The following CPNE4 variants were observed in gnomAD, a reference collection of about 807,000 sequenced individuals.
The protein encoded by CPNE4 is copine 4, also known as copine-4.
In CPNE4, 25 loss-of-function variants were observed where a neutral mutation model predicts 67.9. The observed-to-expected ratio is 0.37, with a 90% CI of 0.27 to 0.51. CPNE4 has a LOEUF of 0.51. CPNE4 is among the 20% of genes least tolerant of loss of function. CPNE4 has a pLI of 0.93. For synonymous variants in CPNE4, 242 were observed against 244.9 expected (o/e 0.99, Z 0.11); for missense variants, 464 against 690.8 (o/e 0.67, Z 3.68).
chr3:131,942,672 A>T (rs898210114), intron 1 of CPNE4, among the ~76,000 whole-genome samples: 1 of 151,894 alleles, frequency 6.6e-6, no homozygotes, highest in Non-Finnish European at 1.5e-5. Context: ...AATTTCCTCC[A>T]TTGCCCTGGA....
chr3:132,034,709 T>C lies in CPNE4; in HGVS notation c.-144A>G, dbSNP rs2074309353. 4 of 985,308 alleles carry C rather than the reference T, an allele frequency of 4.1e-6. No individual in the cohort carries two copies. The South Asian group carries it at 1.4e-4, about 35-fold the overall frequency. The allele number at this position is 985,308 out of a possible 1,614,324, so 61.0% of individuals were successfully genotyped here. A position where few individuals can be genotyped will look rare whatever the true frequency, so the allele number is the denominator to read the frequency against. On this transcript the variant is annotated 5_prime_UTR_variant, in exon 1 of 16. Transcript: ENST00000429747. ...CTGATGTAAGGGGCGTCGCACCTCCTTCCCCTCTCGTCCTCCGAGGTCAGT... is the reference window on the plus strand; with the variant it reads ...CTGATGTAAGGGGCGTCGCACCTCCCTCCCCTCTCGTCCTCCGAGGTCAGT...
At chr3:131,570,358 T>TAA (rs1385131194) in intron 10 of CPNE4, among the ~76,000 whole-genome samples, 2 of 151,852 alleles carry the variant, frequency 1.3e-5, no homozygotes, top group Non-Finnish European at 2.9e-5. Context: ...TATTATACTC[T>TAA]AAGTTTTAGG....
chr3:131,748,397 G>T (rs116420558), intron 2 of CPNE4, among the ~76,000 whole-genome samples: 2 of 151,718 alleles, frequency 1.3e-5, no homozygotes, highest in East Asian at 3.9e-4. Flanking sequence ...GAGGAATACT[G>T]GTCTTTTTTT....
intron 2 of CPNE4, among the ~76,000 whole-genome samples, chr3:131,791,018 A>T (rs1410041242): frequency 6.6e-6 from 1 of 152,182 alleles, no homozygotes; most frequent in Non-Finnish European, 1.5e-5. Flanking sequence ...AATTTTAAGT[A>T]CAACATTGAT....
intron 1 of CPNE4, among the ~76,000 whole-genome samples, chr3:131,938,794 G>T (rs1478841472): frequency 1.3e-5 from 2 of 152,114 alleles, no homozygotes; most frequent in Non-Finnish European, 2.9e-5. Flanking sequence ...GAGATGATTT[G>T]GGTAGGGACA....
chr3:131,809,017 A>G (rs1036642071), intron 2 of CPNE4, among the ~76,000 whole-genome samples: 6 of 152,152 alleles, frequency 3.9e-5, no homozygotes, highest in African/African-American at 1.4e-4. Flanking sequence ...GTGTAGACAT[A>G]TATGCTTGTG....
intron 10 of CPNE4, among the ~76,000 whole-genome samples, chr3:131,574,619 T>C (rs1937503861): frequency 6.6e-6 from 1 of 152,148 alleles, no homozygotes; most frequent in Admixed American, 6.6e-5. Flanking sequence ...TTGTATGGCT[T>C]ACTCTTGGTC....
At chr3:131,836,016 C>T (rs2085544280) in intron 2 of CPNE4, among the ~76,000 whole-genome samples, 1 of 152,154 alleles carries the variant, frequency 6.6e-6, no homozygotes, top group Non-Finnish European at 1.5e-5. Flanking sequence ...CTGAAGTGAC[C>T]TATGCAGGAA....
chr3:131,917,928 A>T (rs947983182), intron 1 of CPNE4, among the ~76,000 whole-genome samples: 1 of 152,182 alleles, frequency 6.6e-6, no homozygotes, highest in Non-Finnish European at 1.5e-5. Context: ...TGCAGTTCCC[A>T]GGGTGGGTAG....
intron 2 of CPNE4, among the ~76,000 whole-genome samples, chr3:131,855,233 G>C (rs1305233514): frequency 6.6e-6 from 1 of 151,856 alleles, no homozygotes; most frequent in East Asian, 1.9e-4. Flanking sequence ...CTCTGTGATT[G>C]GACAAAGTCT....
intron 2 of CPNE4, among the ~76,000 whole-genome samples, chr3:131,774,594 C>T (rs1414795459): frequency 6.6e-6 from 1 of 152,078 alleles, no homozygotes; most frequent in African/African-American, 2.4e-5. Flanking sequence ...GAAATTTAAA[C>T]CCAGGCCTGA....
At chr3:131,964,440 T>C (rs1056110282) in intron 1 of CPNE4, among the ~76,000 whole-genome samples, 3 of 151,980 alleles carry the variant, frequency 2.0e-5, no homozygotes, top group Non-Finnish European at 4.4e-5. Context: ...TAAAGGAGCA[T>C]ATTCTAACCC....
intron 1 of CPNE4, among the ~76,000 whole-genome samples, chr3:131,918,886 C>T (rs1315800262): frequency 6.6e-6 from 1 of 152,096 alleles, no homozygotes; most frequent in Non-Finnish European, 1.5e-5. Context: ...GAAGAAAAAG[C>T]ATTTTTAAAA....
At chr3:131,928,729 A>G (rs1225040) in intron 1 of CPNE4, among the ~76,000 whole-genome samples, 112,711 of 152,190 alleles carry the variant, frequency 0.74, 41,948 homozygotes, top group Admixed American at 0.82. Flanking sequence ...TGTGCTGTCC[A>G]CACCCCAGCC....
At chr3:131,692,576 C>T (rs528613187) in intron 5 of CPNE4, among the ~76,000 whole-genome samples, 34 of 152,226 alleles carry the variant, frequency 2.2e-4, no homozygotes, top group Admixed American at 2.0e-3. Context: ...AACACTGCCA[C>T]ATTCATTCAT....
At chr3:131,947,604 T>C (rs771984119) in intron 1 of CPNE4, among the ~76,000 whole-genome samples, 1 of 152,218 alleles carries the variant, frequency 6.6e-6, no homozygotes, top group Non-Finnish European at 1.5e-5. Flanking sequence ...CCTTGGTATA[T>C]ATGTGCCACA....
intron 3 of CPNE4, among the ~76,000 whole-genome samples, chr3:131,701,700 A>T (rs921005094): frequency 1.3e-5 from 2 of 152,128 alleles, no homozygotes; most frequent in African/African-American, 4.8e-5. Context: ...AGATAACTGC[A>T]CCTTGATTGC....
intron 7 of CPNE4, among the ~76,000 whole-genome samples, chr3:131,598,586 A>G (rs1939023951): frequency 1.3e-5 from 2 of 152,168 alleles, no homozygotes; most frequent in South Asian, 4.2e-4. Context: ...AAGCAACTGA[A>G]GGTGATTTAT....
At chr3:131,968,531 A>C (rs13081591) in intron 1 of CPNE4, among the ~76,000 whole-genome samples, 34,537 of 152,180 alleles carry the variant, frequency 0.23, 4,947 homozygotes, top group Non-Finnish European at 0.31. Context: ...AATCCCATCG[A>C]AAGTGGGCAA....
Sources: allele counts gnomAD v4.1 joint callset (sites outside exome capture counted in the v4.1 genomes callset), GRCh38; gene constraint gnomAD v4.1.1; transcripts MANE v1.5; gene names NCBI Gene and HGNC (gene_info 2026-07-23, HGNC 2026-07-21).